MYO6: variants seen among roughly 807,000 people sequenced by gnomAD.
MYO6 encodes the protein unconventional myosin-VI.
MYO6 carries 74 observed loss-of-function variants against 178.7 expected under a neutral mutation model. That is an observed-to-expected ratio of 0.41 (90% CI 0.34 to 0.50). The LOEUF (loss-of-function observed/expected upper bound fraction) is 0.50, where lower values mean the gene tolerates loss of function less well. MYO6 is among the 20% of genes least tolerant of loss of function. The pLI is 0.09. For missense variants in MYO6, 1,330 were observed against 1,547.4 expected, an observed-to-expected ratio of 0.86 and a Z score of 2.36; for synonymous variants, 477 against 504.6, an observed-to-expected ratio of 0.95 and a Z score of 0.73.
At chr6:75,790,391 T>C (rs1768101692) in intron 1 of MYO6, among the ~76,000 whole-genome samples, 1 of 151,344 alleles carries the variant, frequency 6.6e-6, no homozygotes, top group Non-Finnish European at 1.5e-5. Flanking sequence ...TTTTTTTTTC[T>C]TTTTGAGATG....
At chr6:75,906,692 A>C (rs962278784) in intron 30 of MYO6, among the ~76,000 whole-genome samples, 1 of 152,150 alleles carries the variant, frequency 6.6e-6, no homozygotes, top group Non-Finnish European at 1.5e-5. Context: ...AACAAAAAAC[A>C]AAAAACAAAC....
chr6:75,875,748 A>G (rs143509355), intron 20 of MYO6, among the ~76,000 whole-genome samples: 1 of 152,298 alleles, frequency 6.6e-6, no homozygotes, highest in African/African-American at 2.4e-5. Flanking sequence ...GTGAGTCCTG[A>G]TAGTCTCTAA....
chr6:75,794,901 G>A (rs1435809112), intron 1 of MYO6, among the ~76,000 whole-genome samples: 1 of 152,074 alleles, frequency 6.6e-6, no homozygotes, highest in Non-Finnish European at 1.5e-5. Flanking sequence ...AAGAAAAAAA[G>A]GCTTAAGCCT....
chr6:75,751,302 G>C (rs1776872003), intron 1 of MYO6, among the ~76,000 whole-genome samples: 1 of 152,056 alleles, frequency 6.6e-6, no homozygotes, highest in Non-Finnish European at 1.5e-5. Flanking sequence ...GTGACATGCT[G>C]TTTATCATTC....
chr6:75,818,579 G>A (rs1771528110), intron 2 of MYO6, among the ~76,000 whole-genome samples: 1 of 152,138 alleles, frequency 6.6e-6, no homozygotes, highest in Non-Finnish European at 1.5e-5. Context: ...ACTTTAGACT[G>A]AAAATGTTCA....
At chr6:75,876,155 T>A (rs758163372) in intron 20 of MYO6, among the ~76,000 whole-genome samples, 25 of 152,190 alleles carry the variant, frequency 1.6e-4, no homozygotes, top group Admixed American at 3.3e-4. Context: ...CATCACTTCA[T>A]ATGAAAGCTT....
chr6:75,809,365 T>C (rs1328626013), intron 1 of MYO6, among the ~76,000 whole-genome samples: 1 of 152,180 alleles, frequency 6.6e-6, no homozygotes, highest in Non-Finnish European at 1.5e-5. Context: ...CTTGCCATAC[T>C]GACTTAACAG....
At position 75,860,941 on chromosome 6, in the gene MYO6, C is replaced by T. The variant is rs1023913600; in HGVS notation, c.1474-82C>T. On this transcript the variant is annotated intron_variant, in intron 14 of 34. Transcript: ENST00000369977. ...GTATAAACCTTTGCATTCTAATTAG[C>T]AAATGTTATGTTCAGAAACAGTGCA... The T allele has an allele frequency of 2.0e-5, 21 of 1,057,904 alleles. No homozygotes were observed. In the South Asian group the frequency reaches 2.5e-4, roughly 13 times the overall value. 65.5% of individuals were successfully genotyped at this position (1,057,904 alleles called of 1,614,324 possible).
At chr6:75,817,808 T>G (rs1771436363) in intron 2 of MYO6, 144 bp downstream of exon 2, 5 of 770,636 alleles carry the variant, frequency 6.5e-6, no homozygotes, top group Admixed American at 2.1e-5. Context: ...TCCTGACTTC[T>G]TTGATTAAAT....
chr6:75,757,205 G>A (rs1267544986), intron 1 of MYO6, among the ~76,000 whole-genome samples: 1 of 146,066 alleles, frequency 6.8e-6, no homozygotes, highest in Non-Finnish European at 1.5e-5. Flanking sequence ...GTGTATATAT[G>A]TATATAGACA....
chr6:75,824,061 T>A (rs181646117), intron 3 of MYO6, among the ~76,000 whole-genome samples: 2,815 of 152,322 alleles, frequency 0.018, 97 homozygotes, highest in African/African-American at 0.063. Context: ...AAAATACAAA[T>A]TTTTGTGCTG....
chr6:75,914,971 C>T lies in MYO6; in HGVS notation c.3817C>T (p.Pro1273Ser). 2 of 1,613,648 alleles carry T rather than the reference C, an allele frequency of 1.2e-6. No individual in the cohort carries two copies. The highest frequency in any genetic ancestry group is 1.7e-6 in the Non-Finnish European group (2 of 1,179,940). The stretch of plus-strand genomic sequence containing the variant: ...TGCGATTGAGAGCAGACAGGCTCGG[C>T]CCACCTATGCAACAGCCATGCTGCA... Reference protein sequence around the residue: ...QNAIESRQARPTYATAMLQSL... With the variant: ...QNAIESRQARSTYATAMLQSL... Residue 1273 changes from proline (P) to serine (S), a missense_variant, in exon 35 of 35, where the codon CCC (proline) becomes TCC (serine). Physicochemically the swap from Pro to Ser is moderately conservative, Grantham distance 74. This residue lies in a region of MYO6 where 601 missense variants were observed against 626.1 expected (regional missense o/e 0.96). Transcript: ENST00000369977.
At chr6:75,848,740 C>G (rs1184550050) in intron 11 of MYO6, among the ~76,000 whole-genome samples, 1 of 152,030 alleles carries the variant, frequency 6.6e-6, no homozygotes, top group Non-Finnish European at 1.5e-5. Context: ...AGTGATATTG[C>G]TTAGGAATAA....
intron 20 of MYO6, among the ~76,000 whole-genome samples, chr6:75,878,068 T>C (rs936849364): frequency 2.0e-5 from 3 of 152,204 alleles, no homozygotes; most frequent in African/African-American, 7.2e-5. Context: ...AGATTTTTTT[T>C]CCCCATACGA....
Position 75,916,904 on chromosome 6 carries a change from A to G in MYO6, c.*1892A>G, listed in dbSNP as rs531001888. On this transcript the variant is annotated 3_prime_UTR_variant, in exon 35 of 35. Coordinates refer to ENST00000369977, the MANE Select transcript of MYO6 (RefSeq NM_004999.4). ...TAAGTCCTTAGTTTTTGACTCTAATAGTTAATACAATTATAGTTAATCTTA... is the reference window on the plus strand; with the variant it reads ...TAAGTCCTTAGTTTTTGACTCTAATGGTTAATACAATTATAGTTAATCTTA... 1 of 152,348 alleles carries G rather than the reference A, an allele frequency of 6.6e-6. No homozygotes were observed. Among genetic ancestry groups the G allele is most frequent in the South Asian group, 2.1e-4 (1 of 4,828 alleles). 9.4% of individuals were successfully genotyped at this position (152,348 alleles called of 1,614,324 possible).
chr6:75,858,404 G>A (rs756091862), intron 13 of MYO6, among the ~76,000 whole-genome samples: 2 of 152,154 alleles, frequency 1.3e-5, no homozygotes, highest in African/African-American at 4.8e-5. Flanking sequence ...CCAGGAGTTC[G>A]AGACCAGCCT....
At chr6:75,759,939 A>C (rs1777804487) in intron 1 of MYO6, among the ~76,000 whole-genome samples, 2 of 152,208 alleles carry the variant, frequency 1.3e-5, no homozygotes, top group South Asian at 4.1e-4. Flanking sequence ...AATTTTCTTC[A>C]CTAGGCAGTC....
intron 30 of MYO6, among the ~76,000 whole-genome samples, chr6:75,906,868 C>G (rs1341430114): frequency 2.6e-5 from 4 of 152,144 alleles, no homozygotes; most frequent in African/African-American, 9.7e-5. Flanking sequence ...TTTGAAATCT[C>G]TGTTATTTAC....
rs1776961861 is a variant in MYO6, at chr6:75,869,446, A to G, written c.1945-1201A>G. Among the ~76,000 whole-genome samples the G allele has an allele frequency of 2.0e-5, 3 of 152,118 alleles. No individual in the cohort carries two copies. The South Asian group carries it at 6.2e-4, about 32-fold the overall frequency. On this transcript the variant is annotated intron_variant, in intron 18 of 34. Transcript: ENST00000369977. ...TTATTTCCTTGGATTGTCATGTTCT[A>G]TCCTTAATTAGATTAAACATAATAA...
Sources: gnomAD v4.1 joint callset for allele counts (sites outside exome capture counted in the v4.1 genomes callset) on GRCh38, gnomAD v4.1.1 for gene constraint, gnomAD v4.1.1 regional missense constraint, MANE v1.5 for transcripts, NCBI Gene and HGNC (gene_info 2026-07-23, HGNC 2026-07-21) for gene names.